Variants in CDH18 observed in about 807,000 individuals in gnomAD.
CDH18 encodes cadherin 18, also known as cadherin-18.
CDH18 carries 31 observed loss-of-function variants against 67.9 expected under a neutral mutation model. The observed-to-expected ratio is 0.46, with a 90% CI of 0.34 to 0.62. The LOEUF is 0.62. Among genes scored for constraint, CDH18 ranks in the 20% least tolerant of loss-of-function variants. CDH18 has a pLI of 0.01. For synonymous variants in CDH18, 362 were observed against 347.2 expected (o/e 1.04, Z -0.48); for missense variants, 890 against 975.5 (o/e 0.91, Z 1.17).
intron 2 of CDH18, among the ~76,000 whole-genome samples, chr5:20,013,605 T>C (rs1737642891): frequency 6.6e-6 from 1 of 152,062 alleles, no homozygotes; most frequent in South Asian, 2.1e-4. Flanking sequence ...TATTTATAGG[T>C]ATCCATCAAA....
intron 2 of CDH18, among the ~76,000 whole-genome samples, chr5:20,084,195 T>C (rs1744737603): frequency 6.6e-6 from 1 of 152,128 alleles, no homozygotes; most frequent in South Asian, 2.1e-4. Flanking sequence ...AATACAGCCT[T>C]TACAAGTGGG....
chr5:19,646,293 G>C (rs528469922), intron 5 of CDH18, among the ~76,000 whole-genome samples: 1 of 151,950 alleles, frequency 6.6e-6, no homozygotes, highest in South Asian at 2.1e-4. Flanking sequence ...TGAGAAAAAA[G>C]TGCATTTAAA....
At position 19,874,579 on chromosome 5, in the gene CDH18, C is replaced by T. The variant is rs145789477; in HGVS notation, c.-256-35337G>A. Among the ~76,000 whole-genome samples the T allele has an allele frequency of 2.0e-3, 305 of 152,244 alleles. 2 individuals are homozygous for T. Among genetic ancestry groups the T allele is most frequent in the Middle Eastern group, 6.8e-3 (2 of 292 alleles). On this transcript the variant is annotated intron_variant, in intron 2 of 12. Transcript: ENST00000382275. The stretch of plus-strand genomic sequence containing the variant: ...TAATAAACTTGCTTTCTTCCTCTTA[C>T]GGTCTTGACCTTGAATTTAGATTTG...
intron 2 of CDH18, among the ~76,000 whole-genome samples, chr5:19,979,556 T>C (rs960653940): frequency 6.6e-6 from 1 of 152,132 alleles, no homozygotes; most frequent in Non-Finnish European, 1.5e-5. Context: ...TAATCATTTG[T>C]AGCATAAATT....
intron 5 of CDH18, among the ~76,000 whole-genome samples, chr5:19,671,725 C>T (rs2150352357): frequency 6.6e-6 from 1 of 152,122 alleles, no homozygotes. Flanking sequence ...AAAACAAATA[C>T]AATCTAGGAA....
chr5:20,533,555 A>G (rs1756540162), intron 1 of CDH18, among the ~76,000 whole-genome samples: 1 of 152,136 alleles, frequency 6.6e-6, no homozygotes, highest in Non-Finnish European at 1.5e-5. Context: ...AATAAAGTGA[A>G]TAGAAGGAAT....
intron 2 of CDH18, among the ~76,000 whole-genome samples, chr5:19,861,059 T>G (rs1784840928): frequency 2.6e-5 from 4 of 152,182 alleles, no homozygotes; most frequent in African/African-American, 9.7e-5. Flanking sequence ...TTTCATCATT[T>G]TTAACAGAAA....
intron 5 of CDH18, among the ~76,000 whole-genome samples, chr5:19,625,297 A>G (rs924979148): frequency 1.3e-5 from 2 of 151,916 alleles, no homozygotes; most frequent in African/African-American, 4.8e-5. Flanking sequence ...ATGCAAATTT[A>G]ATTCTTGTTT....
Position 20,093,729 on chromosome 5 carries a change from C to T in CDH18, c.-517-101715G>A, listed in dbSNP as rs971852851. Among the ~76,000 whole-genome samples the T allele has an allele frequency of 2.0e-5, 3 of 152,140 alleles. No individual in the cohort carries two copies. The East Asian group carries it at 5.8e-4, about 29-fold the overall frequency. On this transcript the variant is annotated intron_variant, in intron 2 of 14. Transcript: ENST00000507958. ...AGGAACAGGTAAGTGAGTAAACATA[C>T]TATGAGTTGCATTTCTTTTCTGGGC...
intron 2 of CDH18, among the ~76,000 whole-genome samples, chr5:19,930,448 A>C (rs1793559697): frequency 6.6e-6 from 1 of 152,088 alleles, no homozygotes; most frequent in Admixed American, 6.6e-5. Context: ...AATGAAAATT[A>C]AAAACAAATC....
At chr5:19,907,449 T>C (rs1008759077) in intron 2 of CDH18, among the ~76,000 whole-genome samples, 1 of 152,028 alleles carries the variant, frequency 6.6e-6, no homozygotes, top group African/African-American at 2.4e-5. Flanking sequence ...TGGAGTTAAT[T>C]TAATACAACA....
In CDH18 at chr5:19,684,334, T is replaced by C. The variant is rs1401889356; in HGVS notation, c.643+37013A>G. ...TATACATTTTTCTACCAAATATATATGAATTAAAATTGTATTTAATATTTA... is the reference window on the plus strand; with the variant it reads ...TATACATTTTTCTACCAAATATATACGAATTAAAATTGTATTTAATATTTA... On this transcript the variant is annotated intron_variant, in intron 5 of 12. Coordinates refer to ENST00000382275, the MANE Select transcript of CDH18 (RefSeq NM_004934.5). Among the ~76,000 whole-genome samples the C allele has an allele frequency of 2.6e-5, 4 of 151,550 alleles. No homozygotes were observed. The South Asian group carries it at 6.2e-4, about 24-fold the overall frequency.
At chr5:19,832,163 T>C (rs1440090411) in intron 3 of CDH18, among the ~76,000 whole-genome samples, 1 of 152,118 alleles carries the variant, frequency 6.6e-6, no homozygotes, top group African/African-American at 2.4e-5. Flanking sequence ...CTGTGCTTAC[T>C]ACCTGGGTAA....
intron 10 of CDH18, among the ~76,000 whole-genome samples, chr5:19,518,367 G>C (rs947100332): frequency 2.0e-5 from 3 of 152,078 alleles, no homozygotes; most frequent in Admixed American, 2.0e-4. Flanking sequence ...AAATATGTTT[G>C]ATGGTTAATA....
chr5:20,384,771 A>G (rs1232571334), intron 1 of CDH18, among the ~76,000 whole-genome samples: 1 of 152,210 alleles, frequency 6.6e-6, no homozygotes, highest in Non-Finnish European at 1.5e-5. Context: ...GAGAACTATC[A>G]GAAGTTGCAG....
Position 19,747,000 on chromosome 5 carries a change from GTTGTCA to G in CDH18, c.459_464del (p.Asp154_Asn155del). 1 of 1,614,050 alleles carries G rather than the reference GTTGTCA, an allele frequency of 6.2e-7. No individual in the cohort carries two copies. Among genetic ancestry groups the G allele is most frequent in the Non-Finnish European group, 8.5e-7 (1 of 1,179,972 alleles). On this transcript the variant is annotated inframe_deletion, in exon 4 of 13. Transcript: ENST00000382275. Reference sequence around the variant, plus strand: ...ATGGTCCATCTGTGAATTTTGGAGCGTTGTCATTGATGTCTTGCACTTTGATGATGA... The same window carrying G: ...ATGGTCCATCTGTGAATTTTGGAGCGTTGATGTCTTGCACTTTGATGATGA...
chr5:20,428,786 T>C (rs1274559258), intron 1 of CDH18, among the ~76,000 whole-genome samples: 1 of 152,144 alleles, frequency 6.6e-6, no homozygotes, highest in Non-Finnish European at 1.5e-5. Flanking sequence ...ATCTGCGTTA[T>C]TCAGCACTTC....
chr5:20,046,897 T>C lies in CDH18; in HGVS notation c.-517-54883A>G, dbSNP rs2150482554. The stretch of plus-strand genomic sequence containing the variant: ...TACAGAACAATTAGAAACATCTCTT[T>C]CAAGAAATTTTGCCGTAAGGCGAGA... On this transcript the variant is annotated intron_variant, in intron 2 of 14. Transcript: ENST00000507958. Among the ~76,000 whole-genome samples the C allele has an allele frequency of 2.0e-5, 3 of 151,854 alleles. 1 individual carries two copies. The South Asian group carries it at 6.2e-4, about 31-fold the overall frequency.
At chr5:19,758,619 G>A (rs1771936779) in intron 3 of CDH18, among the ~76,000 whole-genome samples, 1 of 152,170 alleles carries the variant, frequency 6.6e-6, no homozygotes, top group Non-Finnish European at 1.5e-5. Flanking sequence ...ACTAAACGAG[G>A]AATGTGTTGC....
Sources: gnomAD v4.1 joint callset for allele counts (sites outside exome capture counted in the v4.1 genomes callset) on GRCh38, gnomAD v4.1.1 for gene constraint, MANE v1.5 for transcripts, NCBI Gene and HGNC (gene_info 2026-07-23, HGNC 2026-07-21) for gene names.